The following RORB variants were observed in gnomAD, a reference collection of about 807,000 sequenced individuals.
The protein encoded by RORB is RAR related orphan receptor B.
In RORB, 6 loss-of-function variants were observed where a neutral mutation model predicts 59.1. The ratio of observed to expected loss-of-function variants is 0.10; its 90% CI spans 0.06 to 0.20. RORB has a LOEUF of 0.20. RORB is among the 10% of genes least tolerant of loss of function. The probability of loss-of-function intolerance (pLI) is 1.00; values close to 1 mark genes in which losing one functional copy is unlikely to be tolerated. For missense variants in RORB, 320 were observed against 560.5 expected (o/e 0.57, Z 4.33); for synonymous variants, 215 against 204.5 (o/e 1.05, Z -0.44).
chr9:74,580,680 G>C (rs1471019683), intron 1 of RORB, among the ~76,000 whole-genome samples: 1 of 152,120 alleles, frequency 6.6e-6, no homozygotes, highest in African/African-American at 2.4e-5. Flanking sequence ...TCAGTTAGTT[G>C]CATTTTCCTT....
chr9:74,524,826 G>A (rs1173973913), intron 1 of RORB, among the ~76,000 whole-genome samples: 3 of 151,620 alleles, frequency 2.0e-5, no homozygotes, highest in Non-Finnish European at 2.9e-5. Flanking sequence ...TGGAAGCCTG[G>A]TTTTTCTTTA....
chr9:74,617,875 CT>C (rs1823339263), intron 1 of RORB, among the ~76,000 whole-genome samples: 2 of 152,216 alleles, frequency 1.3e-5, no homozygotes, highest in Non-Finnish European at 2.9e-5. Context: ...TCAAACATGC[CT>C]TTCTCTAACC....
intron 1 of RORB, among the ~76,000 whole-genome samples, chr9:74,592,452 G>C (rs543954139): frequency 6.6e-6 from 1 of 152,314 alleles, no homozygotes; most frequent in African/African-American, 2.4e-5. Flanking sequence ...TAATAAGAAA[G>C]AACCAAGGGC....
intron 1 of RORB, among the ~76,000 whole-genome samples, chr9:74,587,050 C>T (rs1271155151): frequency 6.6e-6 from 1 of 152,090 alleles, no homozygotes; most frequent in Non-Finnish European, 1.5e-5. Context: ...TTAACTTTCT[C>T]CATCAACAAA....
chr9:74,563,210 G>T (rs1587360785), intron 1 of RORB, among the ~76,000 whole-genome samples: 1 of 144,336 alleles, frequency 6.9e-6, no homozygotes, highest in Admixed American at 6.9e-5. Flanking sequence ...TTTTTTGATG[G>T]AGTCTCGCTC....
intron 1 of RORB, among the ~76,000 whole-genome samples, chr9:74,521,081 T>C (rs961026282): frequency 6.6e-6 from 1 of 151,944 alleles, no homozygotes; most frequent in African/African-American, 2.4e-5. Flanking sequence ...TAAATCCTGC[T>C]GTTAACTAAA....
intron 1 of RORB, among the ~76,000 whole-genome samples, chr9:74,557,359 A>G (rs1036873169): frequency 5.9e-5 from 9 of 152,200 alleles, no homozygotes; most frequent in African/African-American, 2.2e-4. Flanking sequence ...GCTGGCAAAC[A>G]TCTGGAACCA....
At chr9:74,572,167 C>G (rs1361242724) in intron 1 of RORB, among the ~76,000 whole-genome samples, 1 of 152,066 alleles carries the variant, frequency 6.6e-6, no homozygotes, top group Non-Finnish European at 1.5e-5. Flanking sequence ...CGTTCTGTCT[C>G]TTTTTAAAAT....
chr9:74,518,695 G>T (rs1273269700), intron 1 of RORB, among the ~76,000 whole-genome samples: 1 of 151,934 alleles, frequency 6.6e-6, no homozygotes, highest in Non-Finnish European at 1.5e-5. Flanking sequence ...TTGTTACAAG[G>T]ATTGGTTTTC....
intron 1 of RORB, among the ~76,000 whole-genome samples, chr9:74,528,602 G>A (rs1011372625): frequency 1.3e-5 from 2 of 151,930 alleles, no homozygotes; most frequent in Non-Finnish European, 2.9e-5. Flanking sequence ...GAGCCTAATT[G>A]GGTTTTCAAT....
rs188719070 is a variant in RORB, at chr9:74,623,062, G to A, written c.8-7220G>A. Among the ~76,000 whole-genome samples, 161 of 152,280 alleles carry A rather than the reference G, an allele frequency of 1.1e-3. 1 individual carries two copies. The highest frequency in any genetic ancestry group is 3.4e-3 in the Middle Eastern group (1 of 294). On this transcript the variant is annotated intron_variant, in intron 1 of 9. Transcript: ENST00000376896. ...CACATGTTGGATTTCCAGAACTACT[G>A]TGAATAGCCAAAATGAGTTCATTGC...
chr9:74,542,513 G>T (rs1239131215), intron 1 of RORB, among the ~76,000 whole-genome samples: 1 of 151,958 alleles, frequency 6.6e-6, no homozygotes, highest in East Asian at 1.9e-4. Context: ...AAAAAACAAA[G>T]GAAGAGAAAT....
intron 1 of RORB, among the ~76,000 whole-genome samples, chr9:74,611,801 C>T (rs764507723): frequency 7.9e-5 from 12 of 152,174 alleles, no homozygotes; most frequent in Non-Finnish European, 1.0e-4. Flanking sequence ...GCACCCACCA[C>T]CCTGCCTGGC....
chr9:74,668,012 A>G (rs1416323851), intron 8 of RORB, 111 bp downstream of exon 8: 2 of 659,148 alleles, frequency 3.0e-6, no homozygotes, highest in African/African-American at 1.8e-5. Flanking sequence ...ACAGAGCTAT[A>G]TTTTCTTTAC....
intron 1 of RORB, among the ~76,000 whole-genome samples, chr9:74,581,115 G>C (rs1822716672): frequency 6.6e-6 from 1 of 152,102 alleles, no homozygotes; most frequent in Non-Finnish European, 1.5e-5. Flanking sequence ...TCCCTAAGTT[G>C]AAATAAGAAT....
chr9:74,636,485 C>T (rs955228571), intron 3 of RORB, among the ~76,000 whole-genome samples: 2 of 152,078 alleles, frequency 1.3e-5, no homozygotes, highest in Middle Eastern at 3.2e-3. Context: ...AAAATTTAGA[C>T]GGTCTGAATC....
At chr9:74,641,678 C>T (rs1184213286) in intron 3 of RORB, among the ~76,000 whole-genome samples, 1 of 151,894 alleles carries the variant, frequency 6.6e-6, no homozygotes, top group African/African-American at 2.4e-5. Flanking sequence ...AGACAGGAGG[C>T]TCACTTGAGG....
intron 1 of RORB, among the ~76,000 whole-genome samples, chr9:74,546,444 G>A (rs946530807): frequency 1.3e-5 from 2 of 151,992 alleles, no homozygotes; most frequent in African/African-American, 4.8e-5. Context: ...AAAAAAAAAA[G>A]AGAAAAGCTA....
intron 1 of RORB, among the ~76,000 whole-genome samples, chr9:74,505,519 C>G (rs1273249456): frequency 6.6e-6 from 1 of 151,924 alleles, no homozygotes; most frequent in Non-Finnish European, 1.5e-5. Context: ...GGCTGAACCC[C>G]AGGGATGCTC....
Sources: allele counts gnomAD v4.1 joint callset (sites outside exome capture counted in the v4.1 genomes callset), GRCh38; gene constraint gnomAD v4.1.1; transcripts MANE v1.5; gene names NCBI Gene and HGNC (gene_info 2026-07-23, HGNC 2026-07-21).